The following FBXL2 variants were observed in gnomAD, a reference collection of about 807,000 sequenced individuals.
The protein encoded by FBXL2 is F-box and leucine rich repeat protein 2.
A neutral mutation model predicts 69.2 loss-of-function variants in FBXL2; 38 were observed. That is an observed-to-expected ratio of 0.55 (90% CI 0.42 to 0.72). The LOEUF (loss-of-function observed/expected upper bound fraction) is 0.72. Among genes scored for constraint, FBXL2 ranks in the 30% least tolerant of loss-of-function variants. The pLI, the probability that FBXL2 is intolerant of heterozygous loss-of-function variation, is 0.00. For synonymous variants in FBXL2, 192 were observed against 201.3 expected, an observed-to-expected ratio of 0.95 and a Z score of 0.39; for missense variants, 354 against 520.3, an observed-to-expected ratio of 0.68 and a Z score of 3.11.
intron 1 of FBXL2, among the ~76,000 whole-genome samples, chr3:33,288,400 T>C (rs187839864): frequency 2.0e-5 from 3 of 152,208 alleles, no homozygotes; most frequent in Admixed American, 6.5e-5. Context: ...GGGAGACAGA[T>C]AATAAACAGA....
intron 4 of FBXL2, chr3:33,364,332 C>CCCTCCCTAA (rs1371641976): frequency 1.0e-5 from 4 of 387,638 alleles, no homozygotes; most frequent in African/African-American, 8.2e-5. Context: ...GAGGGCCTAA[C>CCCTCCCTAA]CCCAGGGCTA....
At chr3:33,409,405 A>C in the FBXL2 span, 1 of 1,613,946 alleles carries the variant, frequency 6.2e-7, no homozygotes. Context: ...CTTTACAGGC[A>C]AAACTGAGCC....
intron 1 of FBXL2, among the ~76,000 whole-genome samples, chr3:33,295,114 A>C (rs1434721907): frequency 6.6e-6 from 1 of 152,194 alleles, no homozygotes; most frequent in East Asian, 1.9e-4. Flanking sequence ...TGAGATATTC[A>C]TCATATACTA....
chr3:33,315,448 A>T (rs1575165455), intron 2 of FBXL2, among the ~76,000 whole-genome samples: 3 of 114,206 alleles, frequency 2.6e-5, no homozygotes, highest in East Asian at 2.5e-4. Flanking sequence ...ATGTCAGTTT[A>T]AAAAAAAAAA....
intron 1 of FBXL2, among the ~76,000 whole-genome samples, chr3:33,280,182 A>C (rs1165405599): frequency 6.6e-6 from 1 of 152,174 alleles, no homozygotes; most frequent in African/African-American, 2.4e-5. Context: ...GAAGGAATTA[A>C]TAAAGACATG....
At chr3:33,277,207 CTCTT>C, upstream of FBXL2, 1 of 353,054 alleles carries the variant, frequency 2.8e-6, no homozygotes, top group Non-Finnish European at 5.0e-6. Flanking sequence ...AATCCATGGT[CTCTT>C]TCAGCTGGGC....
intron 2 of FBXL2, among the ~76,000 whole-genome samples, chr3:33,339,639 A>G (rs2039864328): frequency 6.6e-6 from 1 of 152,188 alleles, no homozygotes; most frequent in Non-Finnish European, 1.5e-5. Context: ...TTGTACACCA[A>G]ACTCCAGTGA....
intron 1 of FBXL2, among the ~76,000 whole-genome samples, chr3:33,293,568 A>T (rs555914289): frequency 6.6e-6 from 1 of 152,286 alleles, no homozygotes; most frequent in East Asian, 1.9e-4. Context: ...ACTCTACAGG[A>T]GCATTGAAGA....
intron 2 of FBXL2, among the ~76,000 whole-genome samples, chr3:33,313,393 T>G (rs1443325720): frequency 6.6e-6 from 1 of 152,050 alleles, no homozygotes; most frequent in African/African-American, 2.4e-5. Context: ...GTGAATTCTG[T>G]CAAACATTAA....
At chr3:33,313,748 C>T (rs1373744612) in intron 2 of FBXL2, among the ~76,000 whole-genome samples, 1 of 152,126 alleles carries the variant, frequency 6.6e-6, no homozygotes, top group South Asian at 2.1e-4. Flanking sequence ...CATCCAGCCT[C>T]ATTTAACTTA....
intron 4 of FBXL2, among the ~76,000 whole-genome samples, chr3:33,361,340 C>CA (rs1182241817): frequency 2.6e-5 from 4 of 151,514 alleles, no homozygotes; most frequent in Non-Finnish European, 5.9e-5. Context: ...TGCGTCTCTA[C>CA]AAAAAAATGA....
At chr3:33,321,148 A>G (rs1243874341) in intron 2 of FBXL2, among the ~76,000 whole-genome samples, 2 of 151,848 alleles carry the variant, frequency 1.3e-5, no homozygotes, top group Admixed American at 1.3e-4. Context: ...CATCTCTACT[A>G]AAAATACAAA....
chr3:33,301,582 C>A (rs1338178050), intron 2 of FBXL2, among the ~76,000 whole-genome samples: 1 of 152,084 alleles, frequency 6.6e-6, no homozygotes, highest in East Asian at 1.9e-4. Context: ...TTACAGATTC[C>A]TTCTCTACTA....
chr3:33,352,126 A>G (rs2040870225), intron 2 of FBXL2, among the ~76,000 whole-genome samples: 1 of 152,222 alleles, frequency 6.6e-6, no homozygotes, highest in Non-Finnish European at 1.5e-5. Context: ...GAAAGAATAG[A>G]TTAATGGACC....
At chr3:33,368,328 A>G (rs529548048) in intron 5 of FBXL2, among the ~76,000 whole-genome samples, 4 of 152,246 alleles carry the variant, frequency 2.6e-5, no homozygotes, top group African/African-American at 7.2e-5. Flanking sequence ...GCATTTGTCT[A>G]TTTCTCCTCA....
chr3:33,321,553 A>G (rs1378051658), intron 2 of FBXL2, among the ~76,000 whole-genome samples: 1 of 152,196 alleles, frequency 6.6e-6, no homozygotes, highest in Non-Finnish European at 1.5e-5. Flanking sequence ...ATTCTTTTAT[A>G]CAGTTAATGT....
intron 5 of FBXL2, among the ~76,000 whole-genome samples, chr3:33,371,097 T>C (rs1245486128): frequency 1.3e-5 from 2 of 152,158 alleles, no homozygotes; most frequent in African/African-American, 4.8e-5. Flanking sequence ...CACTAATCTT[T>C]TCTTCTGCCA....
At chr3:33,401,150 C>G in intron 12 of FBXL2, 1 of 753,160 alleles carries the variant, frequency 1.3e-6, no homozygotes. Flanking sequence ...CTATGAAAGT[C>G]TGCAACAAAA....
At chr3:33,400,206 A>G in intron 12 of FBXL2, 13 of 1,593,262 alleles carry the variant, frequency 8.2e-6, no homozygotes, top group Non-Finnish European at 1.0e-5. Flanking sequence ...ATTAGAGAAC[A>G]GTCTTGTGTA....
Sources: allele counts gnomAD v4.1 joint callset (sites outside exome capture counted in the v4.1 genomes callset), GRCh38; gene constraint gnomAD v4.1.1; transcripts MANE v1.5; gene names NCBI Gene and HGNC (gene_info 2026-07-23, HGNC 2026-07-21).